The following RHOF variants were observed in gnomAD, a reference collection of about 807,000 sequenced individuals.
RHOF encodes rho-related GTP-binding protein RhoF.
A neutral mutation model predicts 22.2 loss-of-function variants in RHOF; 21 were observed. The ratio of observed to expected loss-of-function variants is 0.95; its 90% CI spans 0.67 to 1.36. The LOEUF (loss-of-function observed/expected upper bound fraction) is 1.36. Among genes scored for constraint, RHOF ranks in the 40% most tolerant of loss-of-function variants. RHOF has a pLI of 0.00. For synonymous variants in RHOF, 135 were observed against 131.2 expected, an observed-to-expected ratio of 1.03 and a Z score of -0.20; for missense variants, 285 against 293.7, an observed-to-expected ratio of 0.97 and a Z score of 0.22.
chr12:121,788,061 T>A (rs1394496486), intron 2 of RHOF, among the ~76,000 whole-genome samples: 1 of 152,024 alleles, frequency 6.6e-6, no homozygotes, highest in Non-Finnish European at 1.5e-5. Context: ...CTGTGTTACA[T>A]GCCAGGTCTA....
chr12:121,781,055 G>A, intron 3 of RHOF, 28 bp downstream of exon 3: 1 of 1,613,976 alleles, frequency 6.2e-7, no homozygotes, highest in Non-Finnish European at 8.5e-7. Context: ...CCCAGATGTG[G>A]GGCCACCACC....
intron 2 of RHOF, among the ~76,000 whole-genome samples, chr12:121,784,684 G>A (rs938160615): frequency 7.2e-5 from 11 of 152,212 alleles, no homozygotes; most frequent in Non-Finnish European, 1.0e-4. Context: ...CTCAGTGACT[G>A]GGCCAGGAGT....
chr12:121,792,644 C>T (rs917047865), intron 2 of RHOF, among the ~76,000 whole-genome samples: 1 of 152,248 alleles, frequency 6.6e-6, no homozygotes, highest in Non-Finnish European at 1.5e-5. Flanking sequence ...ACACAGAACT[C>T]GCATCCACAG....
rs1280860617 is a variant in RHOF, at chr12:121,778,551, A to G, written c.*947T>C. On this transcript the variant is annotated 3_prime_UTR_variant, in exon 5 of 5. Transcript: ENST00000267205. Reference sequence around the variant, plus strand: ...TGGCTGTTGGTGACACAGGTGGTCTATGAACCAGTTCTGAGAAACTGTCCC... The same window carrying G: ...TGGCTGTTGGTGACACAGGTGGTCTGTGAACCAGTTCTGAGAAACTGTCCC... The G allele has an allele frequency of 6.6e-6, 1 of 151,976 alleles. No individual in the cohort carries two copies. The highest frequency in any genetic ancestry group is 1.5e-5 in the Non-Finnish European group (1 of 68,066). 9.4% of individuals were successfully genotyped at this position (151,976 alleles called of 1,614,324 possible).
intron 2 of RHOF, among the ~76,000 whole-genome samples, chr12:121,789,992 G>T (rs191183203): frequency 1.3e-5 from 2 of 152,266 alleles, no homozygotes; most frequent in Non-Finnish European, 2.9e-5. Flanking sequence ...AGACTTCACC[G>T]CAGCTTCCTG....
chr12:121,786,454 G>A (rs943432126), intron 2 of RHOF, among the ~76,000 whole-genome samples: 1 of 152,224 alleles, frequency 6.6e-6, no homozygotes, highest in East Asian at 1.9e-4. Context: ...GACAGGAGGT[G>A]GCGGGGCAGG....
At chr12:121,784,570 T>C (rs985818423) in intron 2 of RHOF, among the ~76,000 whole-genome samples, 14 of 144,476 alleles carry the variant, frequency 9.7e-5, no homozygotes, top group Non-Finnish European at 2.0e-4. Context: ...GAAAAAAAAA[T>C]CCTTACATGA....
At chr12:121,789,578 A>G (rs1874710192) in intron 2 of RHOF, among the ~76,000 whole-genome samples, 1 of 152,144 alleles carries the variant, frequency 6.6e-6, no homozygotes, top group African/African-American at 2.4e-5. Context: ...TGGCAGCATG[A>G]GAAGTGAAGC....
At position 121,779,522 on chromosome 12, in the gene RHOF, C is replaced by T; in HGVS notation, c.612G>A (p.Lys204=). Residue 204 remains lysine, a synonymous_variant, in exon 5 of 5, where the codon AAG becomes AAA. Transcript: ENST00000267205. ...GTCAGAGCAGCAGGCAGAGCCGGCG[C>T]TTCTTCTGCCGTTGCGCCTTCTTCA... ...SALKKAQRQK[K]RRLCLLL The T allele has an allele frequency of 6.2e-7, 1 of 1,613,036 alleles. No homozygotes were observed. The highest frequency in any genetic ancestry group is 8.5e-7 in the Non-Finnish European group (1 of 1,180,014).
At chr12:121,793,382 C>A in intron 1 of RHOF, 114 bp downstream of exon 1, 1 of 1,461,326 alleles carries the variant, frequency 6.8e-7, no homozygotes, top group African/African-American at 1.4e-5. Context: ...AGGGGGCGCC[C>A]CGGGGTGGCG....
intron 2 of RHOF, 53 bp from the exon 3 acceptor site, chr12:121,781,245 C>CT (rs1401051588): frequency 2.6e-5 from 40 of 1,536,654 alleles, no homozygotes; most frequent in Non-Finnish European, 3.1e-5. Flanking sequence ...TGTCTGGACT[C>CT]TGACGGGTGA....
At chr12:121,783,832 G>C (rs1279701413) in intron 2 of RHOF, among the ~76,000 whole-genome samples, 1 of 152,088 alleles carries the variant, frequency 6.6e-6, no homozygotes, top group Non-Finnish European at 1.5e-5. Context: ...TTGAACTCCT[G>C]ACCTCAGGTC....
chr12:121,780,801 A>G, intron 4 of RHOF, 71 bp downstream of exon 4: 1 of 1,524,458 alleles, frequency 6.6e-7, no homozygotes, highest in Non-Finnish European at 8.8e-7. Context: ...AAGGCACCCC[A>G]GTTGCAGAGG....
chr12:121,788,192 C>T (rs1874662740), intron 2 of RHOF, among the ~76,000 whole-genome samples: 1 of 152,150 alleles, frequency 6.6e-6, no homozygotes, highest in South Asian at 2.1e-4. Context: ...GAGTGACTTG[C>T]CCCAGGCCAC....
intron 2 of RHOF, chr12:121,782,991 A>AT (rs1231270107): frequency 6.6e-5 from 10 of 152,310 alleles, no homozygotes; most frequent in Admixed American, 6.5e-4. Flanking sequence ...ATGAATTAAC[A>AT]TAAAGCATTC....
At chr12:121,789,355 C>CG (rs1874702542) in intron 2 of RHOF, among the ~76,000 whole-genome samples, 1 of 152,084 alleles carries the variant, frequency 6.6e-6, no homozygotes, top group African/African-American at 2.4e-5. Context: ...TGCACTCAGG[C>CG]GGTGCGGCAG....
At chr12:121,792,481 G>A (rs1262399917) in intron 2 of RHOF, among the ~76,000 whole-genome samples, 1 of 152,262 alleles carries the variant, frequency 6.6e-6, no homozygotes, top group Non-Finnish European at 1.5e-5. Context: ...AGAGCCTGGT[G>A]TGGGGCCCCT....
chr12:121,788,742 A>G (rs1487878489), intron 2 of RHOF, among the ~76,000 whole-genome samples: 1 of 152,034 alleles, frequency 6.6e-6, no homozygotes, highest in Non-Finnish European at 1.5e-5. Flanking sequence ...CTAATCTGGA[A>G]GGTGAAAGCC....
chr12:121,790,361 A>G (rs1244386501), intron 2 of RHOF, among the ~76,000 whole-genome samples: 1 of 152,152 alleles, frequency 6.6e-6, no homozygotes, highest in Admixed American at 6.5e-5. Flanking sequence ...TACTAGACTC[A>G]TTTCTGGCTT....
Sources: allele counts gnomAD v4.1 joint callset (sites outside exome capture counted in the v4.1 genomes callset), GRCh38; gene constraint gnomAD v4.1.1; transcripts MANE v1.5; gene names NCBI Gene and HGNC (gene_info 2026-07-23, HGNC 2026-07-21).